Variants in MSRA observed in about 807,000 individuals in gnomAD.
MSRA encodes methionine sulfoxide reductase A.
In MSRA, 54 loss-of-function variants were observed where a neutral mutation model predicts 31.3. The ratio of observed to expected loss-of-function variants is 1.73; its 90% CI spans 1.39 to 2.17. The LOEUF (loss-of-function observed/expected upper bound fraction) is 2.17. Among genes scored for constraint, MSRA ranks in the 30% most tolerant of loss-of-function variants. MSRA has a pLI of 0.00. For synonymous variants in MSRA, 169 were observed against 116.5 expected (o/e 1.45, Z -2.90); for missense variants, 507 against 300.9 (o/e 1.69, Z -5.07).
At chr8:10,110,863 A>T (rs986702161) in intron 1 of MSRA, among the ~76,000 whole-genome samples, 2 of 152,178 alleles carry the variant, frequency 1.3e-5, no homozygotes, top group African/African-American at 4.8e-5. Flanking sequence ...CATATTTCAA[A>T]AATGACCCTT....
chr8:10,202,904 A>G (rs1235180025), intron 1 of MSRA, among the ~76,000 whole-genome samples: 1 of 152,184 alleles, frequency 6.6e-6, no homozygotes, highest in East Asian at 1.9e-4. Context: ...AGCCAAGATC[A>G]TATGGGTAGG....
At chr8:10,083,591 C>G (rs1277071634) in intron 1 of MSRA, among the ~76,000 whole-genome samples, 5 of 152,120 alleles carry the variant, frequency 3.3e-5, no homozygotes, top group African/African-American at 1.2e-4. Flanking sequence ...TTAACAAAAC[C>G]TGAGTTAAGT....
At chr8:10,143,794 T>C (rs1316658726) in intron 1 of MSRA, among the ~76,000 whole-genome samples, 1 of 152,244 alleles carries the variant, frequency 6.6e-6, no homozygotes, top group African/African-American at 2.4e-5. Context: ...ACTCTTCAGA[T>C]ACATATCCAG....
intron 1 of MSRA, among the ~76,000 whole-genome samples, chr8:10,123,911 C>G (rs1801307223): frequency 6.6e-6 from 1 of 151,460 alleles, no homozygotes; most frequent in Admixed American, 6.6e-5. Flanking sequence ...GTCACCCAGG[C>G]TAGAGTGCAG....
chr8:10,324,671 A>G (rs911002445), intron 5 of MSRA, among the ~76,000 whole-genome samples: 1 of 152,208 alleles, frequency 6.6e-6, no homozygotes, highest in Admixed American at 6.5e-5. Flanking sequence ...CACAGAAAGC[A>G]GAGCCCAAGC....
intron 5 of MSRA, among the ~76,000 whole-genome samples, chr8:10,390,900 C>T (rs1377204165): frequency 5.3e-5 from 8 of 150,368 alleles, no homozygotes; most frequent in Admixed American, 1.3e-4. Context: ...GACGTGAACC[C>T]GGGAGGTGGA....
At chr8:10,084,257 C>T (rs1563414805) in intron 1 of MSRA, among the ~76,000 whole-genome samples, 1 of 152,214 alleles carries the variant, frequency 6.6e-6, no homozygotes, top group Non-Finnish European at 1.5e-5. Flanking sequence ...TGACCTGGGC[C>T]TTAGCCTCTT....
intron 1 of MSRA, among the ~76,000 whole-genome samples, chr8:10,122,473 T>G (rs761832020): frequency 1.4e-4 from 22 of 152,038 alleles, no homozygotes; most frequent in Non-Finnish European, 2.1e-4. Context: ...GTGGTCTGAT[T>G]AGGAATGTAA....
intron 5 of MSRA, among the ~76,000 whole-genome samples, chr8:10,396,290 C>T (rs1807094871): frequency 6.6e-6 from 1 of 152,192 alleles, no homozygotes; most frequent in Non-Finnish European, 1.5e-5. Context: ...ACATCCTCTC[C>T]CCTCCTTACT....
intron 2 of MSRA, among the ~76,000 whole-genome samples, chr8:10,224,106 G>A (rs1425166029): frequency 4.6e-5 from 7 of 152,182 alleles, no homozygotes; most frequent in Admixed American, 2.0e-4. Flanking sequence ...GAATATGTAC[G>A]TTTTATAGGG....
intron 5 of MSRA, among the ~76,000 whole-genome samples, chr8:10,407,835 T>C (rs1402668396): frequency 6.6e-6 from 1 of 152,202 alleles, no homozygotes; most frequent in African/African-American, 2.4e-5. Flanking sequence ...TACATTTTTA[T>C]TGTAATGCCT....
Position 10,173,778 on chromosome 8 carries a change from C to G in MSRA, c.143-34055C>G, listed in dbSNP as rs556472316. Among the ~76,000 whole-genome samples, 42 of 152,232 alleles carry G rather than the reference C, an allele frequency of 2.8e-4. 1 individual carries two copies. The highest frequency in any genetic ancestry group is 2.9e-5 in the Non-Finnish European group (2 of 68,036). On this transcript the variant is annotated intron_variant, in intron 1 of 5. Coordinates refer to ENST00000317173, the MANE Select transcript of MSRA (RefSeq NM_012331.5). ...CTCTTTTGGTTTCTCCTGCAGTCAT[C>G]TGTGTGCCTAGTCTGTCCCATCTTA... is the stretch of plus-strand genomic sequence containing the variant.
At chr8:10,232,707 C>G (rs1291214018) in intron 2 of MSRA, among the ~76,000 whole-genome samples, 1 of 152,118 alleles carries the variant, frequency 6.6e-6, no homozygotes, top group African/African-American at 2.4e-5. Flanking sequence ...AATAAAAAAT[C>G]TCATAGACAC....
intron 3 of MSRA, among the ~76,000 whole-genome samples, chr8:10,288,386 G>C (rs1050131973): frequency 3.3e-5 from 5 of 152,224 alleles, no homozygotes; most frequent in African/African-American, 1.2e-4. Context: ...CACCCTTATT[G>C]AGAAATCATA....
chr8:10,279,049 G>C (rs1305786851), intron 3 of MSRA, among the ~76,000 whole-genome samples: 1 of 152,180 alleles, frequency 6.6e-6, no homozygotes, highest in Non-Finnish European at 1.5e-5. Context: ...TTAGGTCATT[G>C]ATTATCTGGG....
chr8:10,059,912 C>G (rs1280726167), intron 1 of MSRA, among the ~76,000 whole-genome samples: 2 of 152,178 alleles, frequency 1.3e-5, no homozygotes, highest in African/African-American at 4.8e-5. Flanking sequence ...AATGCAAATA[C>G]CATTTTTCAT....
intron 5 of MSRA, among the ~76,000 whole-genome samples, chr8:10,381,334 C>G (rs1313714354): frequency 6.6e-6 from 1 of 152,188 alleles, no homozygotes; most frequent in East Asian, 1.9e-4. Context: ...TCCGTACCTC[C>G]TCTTGCTTGT....
At chr8:10,365,087 G>C (rs899116372) in intron 5 of MSRA, among the ~76,000 whole-genome samples, 5 of 141,124 alleles carry the variant, frequency 3.5e-5, no homozygotes, top group Non-Finnish European at 6.0e-5. Context: ...AGCAAAATTA[G>C]AAGCTTTTCT....
intron 5 of MSRA, among the ~76,000 whole-genome samples, chr8:10,366,581 CA>C (rs2129168025): frequency 6.6e-6 from 1 of 152,324 alleles, no homozygotes; most frequent in African/African-American, 2.4e-5. Flanking sequence ...GGTTTTTGGC[CA>C]GAGAGTGGCA....
Sources: allele counts gnomAD v4.1 joint callset (sites outside exome capture counted in the v4.1 genomes callset), GRCh38; gene constraint gnomAD v4.1.1; transcripts MANE v1.5; gene names NCBI Gene and HGNC (gene_info 2026-07-23, HGNC 2026-07-21).